CTSD: variants seen among roughly 807,000 people sequenced by gnomAD.
CTSD encodes ceroid-lipofuscinosis, neuronal 10.
In CTSD, 28 loss-of-function variants were observed where a neutral mutation model predicts 43.6. The observed-to-expected ratio is 0.64, with a 90% confidence interval of 0.48 to 0.88. The LOEUF (loss-of-function observed/expected upper bound fraction) is 0.88, where lower values mean the gene tolerates loss of function less well. CTSD is among the 40% of genes least tolerant of loss of function. The pLI is 0.00. For synonymous variants in CTSD, 270 were observed against 249.8 expected (o/e 1.08, Z -0.76); for missense variants, 485 against 555.2 (o/e 0.87, Z 1.27).
rs1318388119 is a variant in CTSD at position 1,753,810 on chromosome 11, G to A, written c.1064C>T (p.Thr355Met). 3 of 1,613,522 alleles carry A rather than the reference G, an allele frequency of 1.9e-6. No individual in the cohort carries two copies. The highest frequency in any genetic ancestry group is 1.6e-4 in the Middle Eastern group (1 of 6,062). The change falls in exon 8 of 9, where the codon ACG becomes ATG. Residue 355 changes from threonine (T) to methionine (M), a missense_variant. Coordinates refer to ENST00000236671, the MANE Select transcript of CTSD (RefSeq NM_001909.5). ...KGYKLSPEDY[T>M]LKVSQAGKTL... ...ACCCCATTGCCCGCTCACCTTGAGC[G>A]TGTAGTCCTCTGGGGACAGCTTGTA...
At chr11:1,754,405 G>GGGGATGAAGGGATGGAGGGGCATGGA in intron 6 of CTSD, 2 of 543,278 alleles carry the variant, frequency 3.7e-6, no homozygotes, top group Non-Finnish European at 6.6e-6. Flanking sequence ...AGGGGATGGA[G>GGGGATGAAGGGATGGAGGGGCATGGA]GGGATGAAGG....
chr11:1,761,762 C>T (rs1590908966), intron 1 of CTSD: 1 of 499,012 alleles, frequency 2.0e-6, no homozygotes, highest in East Asian at 3.8e-5. Context: ...CTCCTCTCCT[C>T]AGCCATTCTG....
chr11:1,759,401 C>T (rs1165182535), intron 3 of CTSD, 115 bp downstream of exon 3: 1 of 1,488,200 alleles, frequency 6.7e-7, no homozygotes, highest in Non-Finnish European at 9.2e-7. Flanking sequence ...GCTGGCCTGG[C>T]TCACGGGGCC....
In CTSD at chr11:1,754,778, C is replaced by G; in HGVS notation, c.827+128G>C. ...GCATGGAGGGCTGGTCTGACCCCATCTCTTTCTTGCCCAGCTCCCACTACT... is the reference window on the plus strand; with the variant it reads ...GCATGGAGGGCTGGTCTGACCCCATGTCTTTCTTGCCCAGCTCCCACTACT... On this transcript the variant is annotated intron_variant, in intron 6 of 8. Transcript: ENST00000236671. 6 of 1,171,842 alleles carry G rather than the reference C, an allele frequency of 5.1e-6. No individual in the cohort carries two copies. The South Asian group carries it at 7.6e-5, about 15-fold the overall frequency. 72.6% of individuals were successfully genotyped at this position (1,171,842 alleles called of 1,614,324 possible).
intron 6 of CTSD, 87 bp from the exon 7 acceptor site, chr11:1,754,225 G>T (rs1845767434): frequency 2.7e-6 from 4 of 1,491,440 alleles, no homozygotes; most frequent in African/African-American, 1.4e-5. Context: ...CCCTCCCCTG[G>T]CTGGGCTGCA....
At position 1,763,900 on chromosome 11, in the gene CTSD, C is replaced by A. The variant is rs1476711411; in HGVS notation, c.-41G>T. ...GTCGGAGAGGGTCGCCGAGGCCGTG[C>A]GCTTATAGCCGGGATGACGCCGCAG... is the stretch of plus-strand genomic sequence containing the variant. On this transcript the variant is annotated 5_prime_UTR_variant, in exon 1 of 9. Coordinates refer to ENST00000236671, the MANE Select transcript of CTSD (RefSeq NM_001909.5). The A allele has an allele frequency of 6.7e-7, 1 of 1,496,162 alleles. No individual in the cohort carries two copies. The highest frequency in any genetic ancestry group is 8.9e-7 in the Non-Finnish European group (1 of 1,122,682). The allele number at this position is 1,496,162 out of a possible 1,614,324, so 92.7% of individuals were successfully genotyped here. A position where few individuals can be genotyped will look rare whatever the true frequency, so the allele number is the denominator to read the frequency against.
intron 6 of CTSD, 100 bp from the exon 7 acceptor site, chr11:1,754,238 C>A (rs754437898): frequency 5.7e-6 from 8 of 1,394,442 alleles, no homozygotes; most frequent in Middle Eastern, 1.8e-4. Flanking sequence ...GGGCTGCACT[C>A]TCCTCCCCTC....
chr11:1,760,544 C>T, intron 2 of CTSD: 1 of 152,600 alleles, frequency 6.6e-6, no homozygotes, highest in East Asian at 1.9e-4. Flanking sequence ...GGACACTCAG[C>T]AAATTTCCAT....
chr11:1,753,723 C>G, intron 8 of CTSD, 53 bp from the exon 9 acceptor site: 1 of 1,609,872 alleles, frequency 6.2e-7, no homozygotes, highest in Non-Finnish European at 8.5e-7. Flanking sequence ...CGCCCCCCCA[C>G]CTGTTGCCCG....
Position 1,754,292 on chromosome 11 carries a change from A to C in CTSD, c.828-154T>G, listed in dbSNP as rs1177611442. ...GCCGGCTGTAAGCCCTCCAGGGAAGAGGGTGGGAGAGGAGACACAGAGTGG... is the reference window on the plus strand; with the variant it reads ...GCCGGCTGTAAGCCCTCCAGGGAAGCGGGTGGGAGAGGAGACACAGAGTGG... On this transcript the variant is annotated intron_variant, in intron 6 of 8. Transcript: ENST00000236671. The C allele has an allele frequency of 6.5e-6, 5 of 769,744 alleles. No homozygotes were observed. In the African/African-American group the frequency reaches 8.8e-5, roughly 14 times the overall value. The allele number at this position is 769,744 out of a possible 1,614,324, so 47.7% of individuals were successfully genotyped here.
chr11:1,760,562 T>C (rs951005939), intron 2 of CTSD: 6 of 152,782 alleles, frequency 3.9e-5, no homozygotes, highest in African/African-American at 1.4e-4. Context: ...CATGTGTGTG[T>C]GTGCATGTGT....
intron 2 of CTSD, chr11:1,761,038 C>T: frequency 2.0e-6 from 1 of 503,390 alleles, no homozygotes. Flanking sequence ...CAAGGACCGC[C>T]CCCTCAGGCG....
At chr11:1,758,378 G>T (rs1043002877) in intron 4 of CTSD, among the ~76,000 whole-genome samples, 2 of 152,096 alleles carry the variant, frequency 1.3e-5, no homozygotes, top group Non-Finnish European at 2.9e-5. Context: ...AGACAGCTCC[G>T]AGGTGAGAAC....
Position 1,760,879 on chromosome 11 carries a change from G to A in CTSD, c.228+430C>T, listed in dbSNP as rs559104516. 5.2e-4 allele frequency: 140 copies of A among 269,868 alleles called. 2 individuals carry two copies. The highest frequency in any genetic ancestry group is 2.8e-3 in the South Asian group (79 of 28,378). The allele number at this position is 269,868 out of a possible 1,614,324, so 16.7% of individuals were successfully genotyped here. A position where few individuals can be genotyped will look rare whatever the true frequency, so the allele number is the denominator to read the frequency against. ...TCCAGAGTGCTCCACCTTGGATCCT[G>A]CTTCCCCCTGAAGGAGTAGTGGGCA... On this transcript the variant is annotated intron_variant, in intron 2 of 8. Transcript: ENST00000236671.
At chr11:1,757,770 G>A (rs1845827923) in intron 4 of CTSD, among the ~76,000 whole-genome samples, 1 of 152,144 alleles carries the variant, frequency 6.6e-6, no homozygotes, top group Admixed American at 6.5e-5. Flanking sequence ...AGTCATCAGG[G>A]CTCGGTTTAC....
At chr11:1,758,564 C>T (rs1465513331) in intron 4 of CTSD, among the ~76,000 whole-genome samples, 2 of 152,110 alleles carry the variant, frequency 1.3e-5, no homozygotes, top group African/African-American at 4.8e-5. Flanking sequence ...GCAGCCCCCA[C>T]AGCGGGTTCC....
intron 5 of CTSD, among the ~76,000 whole-genome samples, chr11:1,756,203 G>A (rs1025825611): frequency 5.6e-4 from 84 of 150,866 alleles, no homozygotes; most frequent in African/African-American, 1.9e-3. Flanking sequence ...TGGGTACTCA[G>A]GCTGTGTGCC....
Position 1,754,903 on chromosome 11 carries a change from C to G in CTSD, c.827+3G>C. The stretch of plus-strand genomic sequence containing the variant: ...AGGGGAGCCGACTGCAGCCACTACT[C>G]ACTGGTCCAGGTGGACCTGCCAGTA... On this transcript the variant is annotated splice_donor_region_variant and intron_variant, in intron 6 of 8. Transcript: ENST00000236671. 1 of 1,613,810 alleles carries G rather than the reference C, an allele frequency of 6.2e-7. No individual in the cohort carries two copies. Among genetic ancestry groups the G allele is most frequent in the Non-Finnish European group, 8.5e-7 (1 of 1,179,894 alleles).
At position 1,753,397 on chromosome 11, in the gene CTSD, TGGGC is replaced by T; in HGVS notation, c.*102_*105del. On this transcript the variant is annotated 3_prime_UTR_variant, in exon 9 of 9. Transcript: ENST00000236671. The stretch of plus-strand genomic sequence containing the variant: ...CCGGCTTCCAGGGCGCCCAGGACAG[TGGGC>T]GGGCGAGTGTGTGGGTGTGTGTGGG... 7.1e-7 allele frequency: 1 copy of T among 1,402,968 alleles called. No individual in the cohort carries two copies. Among genetic ancestry groups the T allele is most frequent in the Non-Finnish European group, 1.0e-6 (1 of 993,496 alleles). 86.9% of individuals were successfully genotyped at this position (1,402,968 alleles called of 1,614,324 possible).
Sources: allele counts gnomAD v4.1 joint callset (sites outside exome capture counted in the v4.1 genomes callset), GRCh38; gene constraint gnomAD v4.1.1; transcripts MANE v1.5; gene names NCBI Gene and HGNC (gene_info 2026-07-23, HGNC 2026-07-21).